PIK3AP1: variants seen among roughly 807,000 people sequenced by gnomAD.
PIK3AP1 encodes phosphoinositide-3-kinase adaptor protein 1.
In PIK3AP1, 21 loss-of-function variants were observed where a neutral mutation model predicts 88.1. The observed-to-expected ratio is 0.24, with a 90% CI of 0.17 to 0.34. PIK3AP1 has a LOEUF of 0.34. Ranked by LOEUF, PIK3AP1 falls within the 10% of genes least tolerant of loss-of-function variation. The pLI is 1.00. For missense variants in PIK3AP1, 828 were observed against 1,035.7 expected (o/e 0.80, Z 2.75); for synonymous variants, 398 against 400.0 (o/e 1.00, Z 0.06).
intron 2 of PIK3AP1, among the ~76,000 whole-genome samples, chr10:96,703,230 C>A (rs1016753390): frequency 6.6e-6 from 1 of 152,098 alleles, no homozygotes; most frequent in Non-Finnish European, 1.5e-5. Flanking sequence ...ACATTAATAT[C>A]AACAAAGGCA....
intron 2 of PIK3AP1, among the ~76,000 whole-genome samples, chr10:96,708,574 C>CAAA (rs924470384): frequency 7.8e-5 from 1 of 12,812 alleles, no homozygotes; most frequent in African/African-American, 2.2e-4. Context: ...GGATCTGTCT[C>CAAA]AAAAAAAAAA....
chr10:96,716,096 C>G (rs939419818), intron 1 of PIK3AP1, among the ~76,000 whole-genome samples: 2 of 151,866 alleles, frequency 1.3e-5, no homozygotes, highest in Admixed American at 6.6e-5. Flanking sequence ...GCCTGGCCAA[C>G]ATAGTGAAAC....
chr10:96,630,156 C>A (rs1843225706), intron 8 of PIK3AP1, among the ~76,000 whole-genome samples: 1 of 151,966 alleles, frequency 6.6e-6, no homozygotes, highest in Non-Finnish European at 1.5e-5. Flanking sequence ...ACCTTATTAT[C>A]CAAAAAACAC....
intron 2 of PIK3AP1, among the ~76,000 whole-genome samples, chr10:96,687,334 T>C (rs1020612239): frequency 6.6e-6 from 1 of 151,708 alleles, no homozygotes; most frequent in Non-Finnish European, 1.5e-5. Context: ...TTCTTTGATT[T>C]TGCATCCCTA....
At chr10:96,719,549 A>C (rs1354019117) in intron 1 of PIK3AP1, among the ~76,000 whole-genome samples, 2 of 152,192 alleles carry the variant, frequency 1.3e-5, no homozygotes, top group African/African-American at 4.8e-5. Flanking sequence ...AGCAGAGACT[A>C]GGTGTTTCCT....
chr10:96,708,629 A>T (rs969480486), intron 2 of PIK3AP1, among the ~76,000 whole-genome samples: 1 of 151,426 alleles, frequency 6.6e-6, no homozygotes, highest in Admixed American at 6.6e-5. Context: ...AGAGGAAGAA[A>T]AGCTGTGATA....
intron 1 of PIK3AP1, among the ~76,000 whole-genome samples, chr10:96,710,196 A>G (rs2134291841): frequency 6.6e-6 from 1 of 151,284 alleles, no homozygotes; most frequent in East Asian, 1.9e-4. Context: ...CTTTGCCCAA[A>G]CATACCACGC....
At chr10:96,645,765 T>A in intron 7 of PIK3AP1, 103 bp from the exon 8 acceptor site, 1 of 950,642 alleles carries the variant, frequency 1.1e-6, no homozygotes, top group Non-Finnish European at 1.6e-6. Context: ...AAGGCTCCCA[T>A]GAGTCAGGAT....
chr10:96,679,076 T>A (rs570141622), intron 2 of PIK3AP1, among the ~76,000 whole-genome samples: 2 of 152,324 alleles, frequency 1.3e-5, no homozygotes, highest in Middle Eastern at 3.4e-3. Context: ...TAAGAATTAT[T>A]TTTGAATCTT....
chr10:96,709,591 C>A lies in PIK3AP1; in HGVS notation c.406G>T (p.Ala136Ser). ...CDDEPETYVA[A>S]VKKAISEDSG... The stretch of plus-strand genomic sequence containing the variant: ...CCTTCGGAAATGGCTTTTTTCACAG[C>A]TGCCACGTAGGTCTCTGGCTCATCG... The change falls in exon 2 of 17, where the codon GCT (alanine) becomes TCT (serine). Residue 136 changes from alanine (A) to serine (S), a missense_variant. Ala to Ser is a moderately conservative substitution (Grantham distance 99, BLOSUM62 1). This residue lies in a region of PIK3AP1 where 610 missense variants were observed against 760.1 expected (regional missense o/e 0.80). Coordinates refer to ENST00000339364, the MANE Select transcript of PIK3AP1 (RefSeq NM_152309.3). The A allele has an allele frequency of 6.2e-7, 1 of 1,607,082 alleles. No homozygotes were observed. The highest frequency in any genetic ancestry group is 8.5e-7 in the Non-Finnish European group (1 of 1,175,966).
At chr10:96,690,892 G>C (rs1199013558) in intron 2 of PIK3AP1, among the ~76,000 whole-genome samples, 2 of 152,196 alleles carry the variant, frequency 1.3e-5, no homozygotes, top group African/African-American at 2.4e-5. Context: ...TTTAGGGCTG[G>C]AGTTGGAAGA....
intron 8 of PIK3AP1, among the ~76,000 whole-genome samples, chr10:96,629,497 C>A (rs1406206946): frequency 1.3e-5 from 2 of 151,518 alleles, no homozygotes; most frequent in African/African-American, 4.8e-5. Context: ...TCAGAATCTT[C>A]AAAAAATACA....
chr10:96,713,521 A>C (rs919089762), intron 1 of PIK3AP1, among the ~76,000 whole-genome samples: 5 of 150,538 alleles, frequency 3.3e-5, no homozygotes, highest in Non-Finnish European at 7.4e-5. Flanking sequence ...AAAAAAAAAA[A>C]AAAAAAGCAA....
At chr10:96,659,941 GA>G (rs1390861620) in intron 2 of PIK3AP1, among the ~76,000 whole-genome samples, 7 of 151,736 alleles carry the variant, frequency 4.6e-5, no homozygotes, top group Admixed American at 4.6e-4. Flanking sequence ...TCCTACCCTG[GA>G]AAACTCCATT....
chr10:96,688,907 C>T (rs912824588), intron 2 of PIK3AP1, among the ~76,000 whole-genome samples: 5 of 151,982 alleles, frequency 3.3e-5, no homozygotes, highest in Admixed American at 1.3e-4. Context: ...CCATCTTTCA[C>T]GTAGGTAGGA....
At chr10:96,617,768 G>A (rs999013486) in intron 12 of PIK3AP1, among the ~76,000 whole-genome samples, 1 of 152,178 alleles carries the variant, frequency 6.6e-6, no homozygotes, top group African/African-American at 2.4e-5. Context: ...TCTGAGGTCT[G>A]ATCTCCCTCT....
rs777298829 is a variant in PIK3AP1 at position 96,709,712 on chromosome 10, C to T, written c.285G>A (p.Pro95=). 1.9e-6 allele frequency: 3 copies of T among 1,614,220 alleles called. No individual in the cohort carries two copies. The highest frequency in any genetic ancestry group is 2.2e-5 in the South Asian group (2 of 91,076). ...CGCAGAGCAGCCTGACCACGCGGTG[C>T]GGAGGATGGAAAGCTCTCTGCAGCA... ...LPLLQRAFHP[P]HRVVRLLCGV... The change falls in exon 2 of 17, where the codon CCG becomes CCA. Residue 95 remains proline, a synonymous_variant. Transcript: ENST00000339364.
At chr10:96,695,716 C>T (rs1287799496) in intron 2 of PIK3AP1, among the ~76,000 whole-genome samples, 1 of 151,638 alleles carries the variant, frequency 6.6e-6, no homozygotes, top group Non-Finnish European at 1.5e-5. Flanking sequence ...CTCCAAAACT[C>T]TATAGATTGC....
chr10:96,634,317 A>T (rs1398282547), intron 8 of PIK3AP1, among the ~76,000 whole-genome samples: 1 of 152,218 alleles, frequency 6.6e-6, no homozygotes, highest in African/African-American at 2.4e-5. Flanking sequence ...AAAGGTACGG[A>T]CAAGGGCTAG....
Sources: gnomAD v4.1 joint callset for allele counts (sites outside exome capture counted in the v4.1 genomes callset) on GRCh38, gnomAD v4.1.1 for gene constraint, gnomAD v4.1.1 regional missense constraint, MANE v1.5 for transcripts, NCBI Gene and HGNC (gene_info 2026-07-23, HGNC 2026-07-21) for gene names.